Variants in RAPGEF4 observed in about 807,000 individuals in gnomAD.
RAPGEF4 encodes Rap guanine nucleotide exchange factor 4, also known as RAP guanine-nucleotide-exchange factor (GEF) 4.
Under a neutral mutation model 147.9 loss-of-function variants are expected in RAPGEF4, and 66 were observed. The ratio of observed to expected loss-of-function variants is 0.45; its 90% CI spans 0.37 to 0.55. The LOEUF is 0.55. Ranked by LOEUF, RAPGEF4 falls within the 20% of genes least tolerant of loss-of-function variation. The pLI is 0.00. For synonymous variants in RAPGEF4, 419 were observed against 442.7 expected (o/e 0.95, Z 0.67); for missense variants, 1,071 against 1,257.3 (o/e 0.85, Z 2.24).
chr2:172,843,196 A>G (rs1046670076), intron 4 of RAPGEF4, among the ~76,000 whole-genome samples: 7 of 152,258 alleles, frequency 4.6e-5, no homozygotes, highest in South Asian at 2.1e-4. Flanking sequence ...ACTGGAAAAA[A>G]GTGACAGGAA....
At chr2:172,969,240 T>C in intron 10 of RAPGEF4, among the ~76,000 whole-genome samples, 1 of 152,246 alleles carries the variant, frequency 6.6e-6, no homozygotes, top group East Asian at 1.9e-4. Context: ...AGTACCTACA[T>C]TGTTCTAGAT....
chr2:173,008,108 A>C (rs1441764718), intron 17 of RAPGEF4, among the ~76,000 whole-genome samples: 1 of 152,078 alleles, frequency 6.6e-6, no homozygotes, highest in Non-Finnish European at 1.5e-5. Context: ...GTGAGTTCTC[A>C]TGAGATCTGA....
At chr2:172,817,966 A>T (rs900047484) in intron 4 of RAPGEF4, among the ~76,000 whole-genome samples, 1 of 148,122 alleles carries the variant, frequency 6.8e-6, no homozygotes, top group Non-Finnish European at 1.5e-5. Flanking sequence ...TGAATTATAT[A>T]TATATATATA....
chr2:172,866,807 C>T (rs1694698174), intron 4 of RAPGEF4, among the ~76,000 whole-genome samples: 1 of 152,112 alleles, frequency 6.6e-6, no homozygotes, highest in South Asian at 2.1e-4. Context: ...TTGTATTGAT[C>T]TCCTTTGGGG....
intron 4 of RAPGEF4, chr2:172,893,627 C>T (rs1234738840): frequency 6.6e-6 from 1 of 152,122 alleles, no homozygotes; most frequent in East Asian, 1.9e-4. Flanking sequence ...CTCAGGTGTA[C>T]AAGATATTAG....
At chr2:173,044,705 CA>C (rs1685228201) in intron 29 of RAPGEF4, among the ~76,000 whole-genome samples, 1 of 152,152 alleles carries the variant, frequency 6.6e-6, no homozygotes, top group South Asian at 2.1e-4. Context: ...AGCGTGGCGA[CA>C]GGGGGGTTCA....
intron 3 of RAPGEF4, among the ~76,000 whole-genome samples, chr2:172,807,509 A>G (rs1373959363): frequency 1.3e-5 from 2 of 152,240 alleles, no homozygotes; most frequent in African/African-American, 2.4e-5. Flanking sequence ...TGCAGCACAT[A>G]CAATCTAACA....
chr2:172,852,512 G>T (rs1049482346), intron 4 of RAPGEF4, among the ~76,000 whole-genome samples: 2 of 152,032 alleles, frequency 1.3e-5, no homozygotes, highest in African/African-American at 4.8e-5. Context: ...TATGAGGTAG[G>T]TATTACTAGT....
chr2:172,960,674 G>C, intron 6 of RAPGEF4, 86 bp from the exon 7 acceptor site: 1 of 869,704 alleles, frequency 1.1e-6, no homozygotes, highest in Non-Finnish European at 1.7e-6. Context: ...ATAAAAAATG[G>C]ATGTTTCTTA....
intron 4 of RAPGEF4, chr2:172,917,582 C>A (rs568740282): frequency 8.3e-5 from 57 of 683,516 alleles, no homozygotes; most frequent in Non-Finnish European, 1.4e-4. Context: ...GAGATAGAAC[C>A]CCTGCCCCCG....
chr2:172,842,835 GA>G (rs1282115504), intron 4 of RAPGEF4, among the ~76,000 whole-genome samples: 1 of 152,244 alleles, frequency 6.6e-6, no homozygotes, highest in African/African-American at 2.4e-5. Context: ...CACACTGTAG[GA>G]TGAGCATGTG....
intron 16 of RAPGEF4, 108 bp from the exon 17 acceptor site, chr2:173,001,158 A>T: frequency 6.6e-7 from 1 of 1,507,182 alleles, no homozygotes; most frequent in Non-Finnish European, 8.9e-7. Flanking sequence ...TCATGCCCCA[A>T]ACCAATGTGT....
At chr2:172,901,225 A>G (rs138139556) in intron 4 of RAPGEF4, among the ~76,000 whole-genome samples, 3,043 of 152,324 alleles carry the variant, frequency 0.02, 101 homozygotes, top group South Asian at 0.13. Context: ...ATATTTTGGC[A>G]CTAATTCCGA....
At chr2:172,753,362 T>C (rs1695465321) in intron 1 of RAPGEF4, among the ~76,000 whole-genome samples, 1 of 151,146 alleles carries the variant, frequency 6.6e-6, no homozygotes. Flanking sequence ...AAAAGAAAAC[T>C]GTTCTTCCAT....
At chr2:172,987,662 A>G (rs542473028) in intron 12 of RAPGEF4, among the ~76,000 whole-genome samples, 1 of 152,354 alleles carries the variant, frequency 6.6e-6, no homozygotes, top group Admixed American at 6.5e-5. Context: ...AATGACTTAA[A>G]GTATACAAGA....
intron 17 of RAPGEF4, among the ~76,000 whole-genome samples, chr2:173,006,489 G>GA (rs1694490386): frequency 6.6e-6 from 1 of 152,134 alleles, no homozygotes; most frequent in African/African-American, 2.4e-5. Context: ...TGGAAATAAT[G>GA]AGTTTAGTTT....
At chr2:172,990,479 T>C (rs755656028) in intron 14 of RAPGEF4, among the ~76,000 whole-genome samples, 6 of 152,204 alleles carry the variant, frequency 3.9e-5, no homozygotes, top group Non-Finnish European at 8.8e-5. Flanking sequence ...CTGCTTGCTA[T>C]TTACCACATA....
At chr2:172,928,856 AC>A (rs1685638589) in intron 6 of RAPGEF4, among the ~76,000 whole-genome samples, 1 of 152,180 alleles carries the variant, frequency 6.6e-6, no homozygotes, top group Non-Finnish European at 1.5e-5. Context: ...TCTTTGGCCA[AC>A]AGCTTCTTCT....
chr2:172,989,572 G>T (rs1692620230), intron 14 of RAPGEF4, among the ~76,000 whole-genome samples: 1 of 152,250 alleles, frequency 6.6e-6, no homozygotes, highest in Middle Eastern at 3.4e-3. Context: ...ATGGTCTCTG[G>T]TCTCTCCCCA....
Sources: allele counts gnomAD v4.1 joint callset (sites outside exome capture counted in the v4.1 genomes callset), GRCh38; gene constraint gnomAD v4.1.1; transcripts MANE v1.5; gene names NCBI Gene and HGNC (gene_info 2026-07-23, HGNC 2026-07-21).